WWC2: variants seen among roughly 807,000 people sequenced by gnomAD.
WWC2 encodes WW and C2 domain containing 2, also known as protein WWC2.
WWC2 carries 101 observed loss-of-function variants against 138.5 expected under a neutral mutation model. The ratio of observed to expected loss-of-function variants is 0.73; its 90% CI spans 0.62 to 0.86. WWC2 has a LOEUF of 0.86. WWC2 is among the 40% of genes least tolerant of loss of function. WWC2 has a pLI of 0.00. For missense variants in WWC2, 1,420 were observed against 1,419.4 expected, an observed-to-expected ratio of 1.00 and a Z score of -0.01; for synonymous variants, 558 against 538.4, an observed-to-expected ratio of 1.04 and a Z score of -0.50.
rs1320933056 is a variant in WWC2 at position 183,265,885 on chromosome 4, G to A, written c.2141G>A (p.Ser714Asn). ...IGLRYNAKSSSFMVIIAQLRN... is the reference protein window; with the variant it reads ...IGLRYNAKSSNFMVIIAQLRN... ...GACAGATACAATGCAAAAAGTTCAA[G>A]TTTCATGGTGATTATAGCACAGCTC... Residue 714 changes from serine (S) to asparagine (N), a missense_variant, in exon 14 of 23, where the codon AGT becomes AAT. Transcript: ENST00000403733. 1.2e-6 allele frequency: 2 copies of A among 1,613,196 alleles called. No homozygotes were observed. Among genetic ancestry groups the A allele is most frequent in the Non-Finnish European group, 1.7e-6 (2 of 1,179,590 alleles).
At chr4:183,218,527 A>G (rs1184248705) in intron 4 of WWC2, among the ~76,000 whole-genome samples, 1 of 152,208 alleles carries the variant, frequency 6.6e-6, no homozygotes, top group Admixed American at 6.5e-5. Flanking sequence ...CTTCTAATCT[A>G]GGAAGATATT....
intron 4 of WWC2, among the ~76,000 whole-genome samples, chr4:183,226,095 CTTTTTTTTTTTTT>C (rs11321151): frequency 8.8e-6 from 1 of 113,532 alleles, no homozygotes; most frequent in Non-Finnish European, 1.7e-5. Context: ...CTTTTCTTTT[CTTTTTTTTTTTTT>C]TTTTTTGATA....
intron 16 of WWC2, among the ~76,000 whole-genome samples, chr4:183,272,484 CAGTGGTTTTT>C (rs1737722366): frequency 6.6e-6 from 1 of 152,198 alleles, no homozygotes; most frequent in Admixed American, 6.5e-5. Flanking sequence ...GCACCCAACC[CAGTGGTTTTT>C]AGGATATTCA....
At chr4:183,289,341 A>G (rs1738355778) in intron 20 of WWC2, 52 bp from the exon 21 acceptor site, 5 of 1,577,834 alleles carry the variant, frequency 3.2e-6, no homozygotes, top group African/African-American at 1.3e-5. Flanking sequence ...GAAGTGGGGT[A>G]ACCACTGCCT....
intron 1 of WWC2, among the ~76,000 whole-genome samples, chr4:183,143,529 T>C (rs1733364015): frequency 6.6e-6 from 1 of 152,136 alleles, no homozygotes; most frequent in African/African-American, 2.4e-5. Context: ...ATTTTTTGGC[T>C]GGGCATGGTG....
chr4:183,250,935 G>A (rs1736960286), intron 8 of WWC2, among the ~76,000 whole-genome samples: 1 of 152,116 alleles, frequency 6.6e-6, no homozygotes, highest in Non-Finnish European at 1.5e-5. Flanking sequence ...AGGTTATCAG[G>A]CTTTAACAAA....
At chr4:183,151,224 C>T (rs1346993786) in intron 1 of WWC2, among the ~76,000 whole-genome samples, 4 of 152,080 alleles carry the variant, frequency 2.6e-5, no homozygotes, top group South Asian at 2.1e-4. Flanking sequence ...TTTTAATGAT[C>T]GCTGTTCTAA....
chr4:183,135,096 G>C (rs1210804315), intron 1 of WWC2, among the ~76,000 whole-genome samples: 1 of 151,738 alleles, frequency 6.6e-6, no homozygotes, highest in African/African-American at 2.4e-5. Flanking sequence ...ACATTTTTTT[G>C]TATTTTTAGT....
chr4:183,251,370 A>T (rs756821454), intron 8 of WWC2, among the ~76,000 whole-genome samples: 18 of 152,162 alleles, frequency 1.2e-4, no homozygotes, highest in Admixed American at 2.6e-4. Flanking sequence ...AATGGCCATT[A>T]CTCAGAAGCA....
chr4:183,243,790 T>TGTGC (rs1021888126), intron 5 of WWC2, among the ~76,000 whole-genome samples: 2 of 142,288 alleles, frequency 1.4e-5, no homozygotes, highest in Non-Finnish European at 3.1e-5. Context: ...TGTGTGTGTG[T>TGTGC]GCATGTGTTT....
intron 1 of WWC2, among the ~76,000 whole-genome samples, chr4:183,126,880 C>T (rs1329806423): frequency 6.6e-6 from 1 of 151,388 alleles, no homozygotes; most frequent in Non-Finnish European, 1.5e-5. Flanking sequence ...AGGTGCAAGC[C>T]ACCATGCCCA....
At chr4:183,243,300 C>T (rs1024472693) in intron 5 of WWC2, among the ~76,000 whole-genome samples, 7 of 152,208 alleles carry the variant, frequency 4.6e-5, no homozygotes, top group African/African-American at 1.7e-4. Flanking sequence ...TTCACTTTGA[C>T]ACAATTTCAG....
At chr4:183,174,262 A>G (rs771871353) in intron 1 of WWC2, among the ~76,000 whole-genome samples, 2 of 152,232 alleles carry the variant, frequency 1.3e-5, no homozygotes, top group Non-Finnish European at 2.9e-5. Flanking sequence ...AGGTTGGGCA[A>G]AGGCAGGCAG....
intron 22 of WWC2, 119 bp downstream of exon 22, chr4:183,312,587 C>A: frequency 7.1e-7 from 1 of 1,417,004 alleles, no homozygotes; most frequent in Non-Finnish European, 9.6e-7. Context: ...CCTCTGTTCT[C>A]TACCTTGAAT....
At chr4:183,313,213 G>A (rs1191092466) in intron 22 of WWC2, among the ~76,000 whole-genome samples, 1 of 152,208 alleles carries the variant, frequency 6.6e-6, no homozygotes, top group Non-Finnish European at 1.5e-5. Context: ...TGGTGAGCCT[G>A]CCCAGGAGAA....
intron 1 of WWC2, among the ~76,000 whole-genome samples, chr4:183,180,236 T>G (rs955409430): frequency 2.6e-5 from 4 of 152,120 alleles, no homozygotes; most frequent in Admixed American, 1.3e-4. Flanking sequence ...CTCCTGGGCT[T>G]CTTTTGGTAG....
intron 1 of WWC2, among the ~76,000 whole-genome samples, chr4:183,173,592 C>G (rs6839559): frequency 0.99 from 150,267 of 151,884 alleles, 74,355 homozygotes; most frequent in Middle Eastern, 1. Context: ...CTGCCTCCAT[C>G]TGACTTGTTT....
chr4:183,285,818 C>A, intron 19 of WWC2, 149 bp from the exon 20 acceptor site: 3 of 641,428 alleles, frequency 4.7e-6, no homozygotes, highest in Non-Finnish European at 7.9e-6. Context: ...CAAAATAGAA[C>A]AGGAAAAACT....
chr4:183,139,054 G>GT (rs1381058844), intron 1 of WWC2, among the ~76,000 whole-genome samples: 1 of 152,156 alleles, frequency 6.6e-6, no homozygotes, highest in African/African-American at 2.4e-5. Flanking sequence ...GTGGAGGTTT[G>GT]TATCAGTAAC....
Sources: gnomAD v4.1 joint callset for allele counts (sites outside exome capture counted in the v4.1 genomes callset) on GRCh38, gnomAD v4.1.1 for gene constraint, MANE v1.5 for transcripts, NCBI Gene and HGNC (gene_info 2026-07-23, HGNC 2026-07-21) for gene names.